The following BAZ2B variants were observed in gnomAD, a reference collection of about 807,000 sequenced individuals.
BAZ2B encodes bromodomain adjacent to zinc finger domain 2B.
BAZ2B carries 91 observed loss-of-function variants against 246.0 expected under a neutral mutation model. The ratio of observed to expected loss-of-function variants is 0.37; its 90% CI spans 0.31 to 0.44. BAZ2B has a LOEUF of 0.44. BAZ2B is among the 20% of genes least tolerant of loss of function. The pLI, the probability that BAZ2B is intolerant of heterozygous loss-of-function variation, is 1.00. For missense variants in BAZ2B, 2,332 were observed against 2,533.7 expected, an observed-to-expected ratio of 0.92 and a Z score of 1.71; for synonymous variants, 855 against 860.0, an observed-to-expected ratio of 0.99 and a Z score of 0.10.
At chr2:159,461,209 G>A (rs1398212953) in intron 3 of BAZ2B, 3 of 152,120 alleles carry the variant, frequency 2.0e-5, no homozygotes, top group African/African-American at 7.3e-5. Context: ...TTCCCTTAAG[G>A]CCTGGTCATA....
At chr2:159,475,495 A>C (rs1174841389) in intron 3 of BAZ2B, among the ~76,000 whole-genome samples, 1 of 152,176 alleles carries the variant, frequency 6.6e-6, no homozygotes, top group African/African-American at 2.4e-5. Flanking sequence ...TTGGTTTAGA[A>C]CATGCTCCTT....
chr2:159,660,521 T>A, the BAZ2B span, among the ~76,000 whole-genome samples: 1 of 152,180 alleles, frequency 6.6e-6, no homozygotes, highest in Non-Finnish European at 1.5e-5. Context: ...TTTAACTTTT[T>A]AAGGAACTGC....
At chr2:159,620,459 C>A (rs1018748397), upstream of BAZ2B, among the ~76,000 whole-genome samples, 5 of 152,150 alleles carry the variant, frequency 3.3e-5, no homozygotes, top group Non-Finnish European at 5.9e-5. Flanking sequence ...AGATTAGAGA[C>A]TCATATAAAT....
At chr2:159,434,878 T>G (rs1055489137) in intron 8 of BAZ2B, 2 of 152,078 alleles carry the variant, frequency 1.3e-5, no homozygotes, top group Admixed American at 1.3e-4. Context: ...AATTTATGTC[T>G]ATAAACAAAA....
chr2:159,383,620 T>A lies in BAZ2B; in HGVS notation c.3747A>T (p.Glu1249Asp). 6.2e-7 allele frequency: 1 copy of A among 1,611,542 alleles called. No homozygotes were observed. The highest frequency in any genetic ancestry group is 1.3e-5 in the African/African-American group (1 of 74,952). Residue 1249 changes from glutamate (E) to aspartate (D), a missense_variant, in exon 24 of 37, where the codon GAA becomes GAT. Physicochemically the swap from Glu to Asp is conservative, Grantham distance 45. Transcript: ENST00000392783. The stretch of plus-strand genomic sequence containing the variant: ...ACAGGACTTACTTGCGGAGTTTACC[T>A]TCTACCACCCATTTATCTCTCCTCA... ...SNLRRDKWVV[E>D]GKLRKLRIIH... is the part of the protein sequence containing the mutation.
intron 2 of BAZ2B, among the ~76,000 whole-genome samples, chr2:159,532,826 G>C (rs950517986): frequency 1.3e-5 from 2 of 152,144 alleles, no homozygotes; most frequent in African/African-American, 2.4e-5. Context: ...GTTTTAGGTA[G>C]ACATGGCCAG....
At chr2:159,629,423 C>A in the BAZ2B span, among the ~76,000 whole-genome samples, 34 of 152,236 alleles carry the variant, frequency 2.2e-4, no homozygotes, top group African/African-American at 7.7e-4. Context: ...TGGAACCGAC[C>A]CAAATGCCCA....
At chr2:159,321,011 T>C (rs2062655197) in intron 36 of BAZ2B, among the ~76,000 whole-genome samples, 1 of 152,216 alleles carries the variant, frequency 6.6e-6, no homozygotes. Flanking sequence ...ATATGCTATC[T>C]TTCTACTAGA....
the BAZ2B span, chr2:159,694,553 T>C: frequency 6.6e-6 from 1 of 152,228 alleles, no homozygotes; most frequent in African/African-American, 2.4e-5. Context: ...GATTTGCCTA[T>C]TCTGGACAGT....
At chr2:159,685,157 A>G in the BAZ2B span, among the ~76,000 whole-genome samples, 1 of 152,240 alleles carries the variant, frequency 6.6e-6, no homozygotes, top group African/African-American at 2.4e-5. Flanking sequence ...CATAAGAAGA[A>G]CAAAACATGA....
At chr2:159,667,531 G>C in the BAZ2B span, among the ~76,000 whole-genome samples, 2 of 151,978 alleles carry the variant, frequency 1.3e-5, no homozygotes, top group African/African-American at 4.8e-5. Context: ...AGGAGGTGGA[G>C]GTTGCAGTGA....
intron 27 of BAZ2B, among the ~76,000 whole-genome samples, chr2:159,355,962 A>G (rs1341973961): frequency 6.6e-6 from 1 of 152,210 alleles, no homozygotes; most frequent in Non-Finnish European, 1.5e-5. Context: ...TGGCCCAGAT[A>G]CTACGCTTTT....
chr2:159,543,830 G>A (rs1257017475), intron 2 of BAZ2B, among the ~76,000 whole-genome samples: 5 of 152,170 alleles, frequency 3.3e-5, no homozygotes, highest in Non-Finnish European at 1.5e-5. Flanking sequence ...CACCGCGCCT[G>A]GCCAACAATT....
chr2:159,556,230 G>A (rs2089109198), intron 1 of BAZ2B, among the ~76,000 whole-genome samples: 1 of 152,098 alleles, frequency 6.6e-6, no homozygotes, highest in Non-Finnish European at 1.5e-5. Context: ...ACAAACTGAA[G>A]ACAATTAGGT....
Position 159,371,054 on chromosome 2 carries a change from C to T in BAZ2B, c.4213+1991G>A, listed in dbSNP as rs183269524. Among the ~76,000 whole-genome samples, 30 of 152,280 alleles carry T rather than the reference C, an allele frequency of 2.0e-4. No homozygotes were observed. In the East Asian group the frequency reaches 3.7e-3, roughly 19 times the overall value. ...AACTCCTGACCTCAGGTAATCTGCC[C>T]GCGTTGACCTCACAAAGTGCTGGGA... On this transcript the variant is annotated intron_variant, in intron 27 of 36. Transcript: ENST00000392783.
chr2:159,601,718 T>C (rs1692196044), intron 1 of BAZ2B, among the ~76,000 whole-genome samples: 1 of 151,954 alleles, frequency 6.6e-6, no homozygotes, highest in South Asian at 2.1e-4. Context: ...CGAAACTCTG[T>C]CTCAAAATAA....
At chr2:159,419,966 G>A (rs907098485) in intron 13 of BAZ2B, 1 of 152,176 alleles carries the variant, frequency 6.6e-6, no homozygotes, top group Non-Finnish European at 1.5e-5. Flanking sequence ...ATAATTACCA[G>A]CATTATAATT....
At chr2:159,480,571 T>C (rs1256375678) in intron 2 of BAZ2B, among the ~76,000 whole-genome samples, 2 of 152,026 alleles carry the variant, frequency 1.3e-5, no homozygotes, top group Admixed American at 1.3e-4. Context: ...TGCACAAATA[T>C]GTGTGCGCGT....
chr2:159,697,250 A>T, the BAZ2B span, among the ~76,000 whole-genome samples: 1 of 152,048 alleles, frequency 6.6e-6, no homozygotes, highest in Non-Finnish European at 1.5e-5. Flanking sequence ...CAGGTTTTTA[A>T]TGGTCTGGGA....
Sources: gnomAD v4.1 joint callset for allele counts (sites outside exome capture counted in the v4.1 genomes callset) on GRCh38, gnomAD v4.1.1 for gene constraint, MANE v1.5 for transcripts, NCBI Gene and HGNC (gene_info 2026-07-23, HGNC 2026-07-21) for gene names.